ZSWIM5: variants seen among roughly 807,000 people sequenced by gnomAD.
ZSWIM5 encodes zinc finger SWIM-type containing 5, also known as zinc finger SWIM domain-containing protein 5.
Under a neutral mutation model 119.6 loss-of-function variants are expected in ZSWIM5, and 55 were observed. The ratio of observed to expected loss-of-function variants is 0.46; its 90% CI spans 0.37 to 0.58. ZSWIM5 has a LOEUF of 0.58. Ranked by LOEUF, ZSWIM5 falls within the 20% of genes least tolerant of loss-of-function variation. The pLI is 0.00. For synonymous variants in ZSWIM5, 537 were observed against 606.9 expected (o/e 0.88, Z 1.69); for missense variants, 1,193 against 1,512.8 (o/e 0.79, Z 3.51).
At chr1:45,032,733 C>T (rs112072645) in intron 11 of ZSWIM5, among the ~76,000 whole-genome samples, 11,336 of 150,236 alleles carry the variant, frequency 0.075, 1,133 homozygotes, top group African/African-American at 0.23. Flanking sequence ...GTGATCTGCC[C>T]GCCTTGGCCT....
chr1:45,191,875 C>A (rs948672628), intron 1 of ZSWIM5, among the ~76,000 whole-genome samples: 1 of 152,168 alleles, frequency 6.6e-6, no homozygotes, highest in Non-Finnish European at 1.5e-5. Flanking sequence ...CATAATAGAG[C>A]TCACCCTTGA....
intron 2 of ZSWIM5, among the ~76,000 whole-genome samples, chr1:45,077,068 G>A (rs959882951): frequency 5.9e-5 from 9 of 152,016 alleles, no homozygotes; most frequent in African/African-American, 2.2e-4. Context: ...TTTCTGAAAG[G>A]TCACACATCT....
chr1:45,060,389 CAAAAT>C, intron 2 of ZSWIM5, 142 bp from the exon 3 acceptor site: 1 of 729,124 alleles, frequency 1.4e-6, no homozygotes. Flanking sequence ...TAGTCCTAAA[CAAAAT>C]AAATAAATAC....
chr1:45,147,584 C>CAAAAAA (rs11409330), intron 1 of ZSWIM5, among the ~76,000 whole-genome samples: 5 of 93,320 alleles, frequency 5.4e-5, no homozygotes, highest in Non-Finnish European at 5.8e-5. Context: ...TTTACACATG[C>CAAAAAA]AAAAAAAAAA....
chr1:45,142,553 A>C (rs1645733907), intron 1 of ZSWIM5, among the ~76,000 whole-genome samples: 2 of 151,984 alleles, frequency 1.3e-5, no homozygotes, highest in Admixed American at 1.3e-4. Flanking sequence ...GAGTTTTGCC[A>C]CATTGCCCAG....
At chr1:45,191,345 G>A (rs1159564157) in intron 1 of ZSWIM5, among the ~76,000 whole-genome samples, 1 of 152,196 alleles carries the variant, frequency 6.6e-6, no homozygotes, top group African/African-American at 2.4e-5. Context: ...CCGTGAATCA[G>A]CTGACAGTTG....
chr1:45,121,233 G>T (rs1415698952), intron 1 of ZSWIM5, among the ~76,000 whole-genome samples: 1 of 152,328 alleles, frequency 6.6e-6, no homozygotes, highest in East Asian at 1.9e-4. Context: ...TTACAGGCGT[G>T]AGCCACAGCA....
At chr1:45,077,490 G>A (rs1358165424) in intron 2 of ZSWIM5, among the ~76,000 whole-genome samples, 1 of 152,276 alleles carries the variant, frequency 6.6e-6, no homozygotes, top group South Asian at 2.1e-4. Flanking sequence ...ACTTAACAGG[G>A]TAATAGACTA....
intron 1 of ZSWIM5, among the ~76,000 whole-genome samples, chr1:45,201,370 C>A (rs1030771071): frequency 2.0e-5 from 3 of 152,088 alleles, no homozygotes; most frequent in Non-Finnish European, 4.4e-5. Context: ...ATATATGTTT[C>A]TCTTGTACAT....
At chr1:45,053,106 A>G (rs1269237149) in intron 4 of ZSWIM5, among the ~76,000 whole-genome samples, 2 of 147,276 alleles carry the variant, frequency 1.4e-5, no homozygotes, top group East Asian at 4.0e-4. Flanking sequence ...CTGAGCAACA[A>G]GAGTGAAACT....
rs376509577 is a variant in ZSWIM5, at chr1:45,186,077, A to C, written c.595+19679T>G. ...CATGGAATACTATGCAGCCATAAAA[A>C]ATGATGAGTTCATGTCCTTTGTAGG... On this transcript the variant is annotated intron_variant, in intron 1 of 13. Transcript: ENST00000359600. Among the ~76,000 whole-genome samples, 40 of 151,898 alleles carry C rather than the reference A, an allele frequency of 2.6e-4. No individual in the cohort carries two copies. In the East Asian group the frequency reaches 4.6e-3, roughly 18 times the overall value.
At chr1:45,179,099 T>C (rs1036128603) in intron 1 of ZSWIM5, among the ~76,000 whole-genome samples, 1 of 151,936 alleles carries the variant, frequency 6.6e-6, no homozygotes, top group African/African-American at 2.4e-5. Context: ...TAGGAGTAAA[T>C]CCAACCAAGG....
chr1:45,022,352 G>A (rs1474190340), intron 11 of ZSWIM5, among the ~76,000 whole-genome samples: 2 of 151,874 alleles, frequency 1.3e-5, no homozygotes, highest in Non-Finnish European at 2.9e-5. Context: ...GGATGGTCTC[G>A]ATCTCCTGAC....
At chr1:45,048,053 CTTTCTTTCTTT>C (rs1240142873) in intron 5 of ZSWIM5, among the ~76,000 whole-genome samples, 2,951 of 43,690 alleles carry the variant, frequency 0.068, 107 homozygotes, top group African/African-American at 0.19. Flanking sequence ...TTCTTTCTTT[CTTTCTTTCTTT>C]CTTTCCTTTT....
chr1:45,179,792 A>ATG (rs1646004195), intron 1 of ZSWIM5, among the ~76,000 whole-genome samples: 1 of 152,136 alleles, frequency 6.6e-6, no homozygotes, highest in Non-Finnish European at 1.5e-5. Flanking sequence ...GACTTTACAG[A>ATG]TGTGATTAAG....
intron 1 of ZSWIM5, among the ~76,000 whole-genome samples, chr1:45,119,744 C>A (rs994747800): frequency 6.6e-6 from 1 of 152,150 alleles, no homozygotes; most frequent in African/African-American, 2.4e-5. Context: ...TTATGATTAT[C>A]ATTTACCTTT....
intron 1 of ZSWIM5, among the ~76,000 whole-genome samples, chr1:45,184,980 T>C (rs1646047956): frequency 6.6e-6 from 1 of 152,078 alleles, no homozygotes; most frequent in Admixed American, 6.6e-5. Flanking sequence ...GGAGGCATCA[T>C]GCTACCTGAC....
At chr1:45,054,245 C>G (rs888297688) in intron 4 of ZSWIM5, among the ~76,000 whole-genome samples, 1 of 151,818 alleles carries the variant, frequency 6.6e-6, no homozygotes, top group Non-Finnish European at 1.5e-5. Context: ...CCACTGTATT[C>G]CAGCCTAGGG....
intron 1 of ZSWIM5, among the ~76,000 whole-genome samples, chr1:45,202,137 T>C (rs1646162195): frequency 6.6e-6 from 1 of 152,140 alleles, no homozygotes; most frequent in Non-Finnish European, 1.5e-5. Context: ...ATACCTTAAA[T>C]ATCAATAAAG....
Sources: allele counts gnomAD v4.1 joint callset (sites outside exome capture counted in the v4.1 genomes callset), GRCh38; gene constraint gnomAD v4.1.1; transcripts MANE v1.5; gene names NCBI Gene and HGNC (gene_info 2026-07-23, HGNC 2026-07-21).